The following TRPC4 variants were observed in gnomAD, a reference collection of about 807,000 sequenced individuals.
TRPC4 encodes the protein short transient receptor potential channel 4.
TRPC4 carries 49 observed loss-of-function variants against 99.4 expected under a neutral mutation model. The ratio of observed to expected loss-of-function variants is 0.49; its 90% confidence interval spans 0.39 to 0.63. The LOEUF (loss-of-function observed/expected upper bound fraction) is 0.63, where lower values mean the gene tolerates loss of function less well. Among genes scored for constraint, TRPC4 ranks in the 20% least tolerant of loss-of-function variants. The pLI is 0.00. For synonymous variants in TRPC4, 454 were observed against 425.9 expected, an observed-to-expected ratio of 1.07 and a Z score of -0.81; for missense variants, 898 against 1,152.9, an observed-to-expected ratio of 0.78 and a Z score of 3.20.
chr13:37,741,239 CA>C (rs1444758827), intron 3 of TRPC4, among the ~76,000 whole-genome samples: 2 of 152,074 alleles, frequency 1.3e-5, no homozygotes, highest in African/African-American at 4.8e-5. Flanking sequence ...ATTAAGCTTC[CA>C]ATTCACATTT....
At chr13:37,735,385 T>C (rs528680500) in intron 3 of TRPC4, among the ~76,000 whole-genome samples, 1 of 152,308 alleles carries the variant, frequency 6.6e-6, no homozygotes, top group African/African-American at 2.4e-5. Context: ...GAATAAGCTG[T>C]TAAGGCCGCA....
At chr13:37,832,050 A>C (rs1320629872) in intron 1 of TRPC4, among the ~76,000 whole-genome samples, 2 of 152,238 alleles carry the variant, frequency 1.3e-5, no homozygotes, top group Non-Finnish European at 2.9e-5. Flanking sequence ...GGTCTTACCA[A>C]AAAGAAATGA....
chr13:37,635,339 G>A lies in TRPC4; in HGVS notation c.*1564C>T, dbSNP rs1340484743. On this transcript the variant is annotated 3_prime_UTR_variant, in exon 11 of 11. Coordinates refer to ENST00000379705, the MANE Select transcript of TRPC4 (RefSeq NM_016179.4). ...GTATTACCTTAGCCAGTTAGTGCTG[G>A]TCTCAGTTTCATCATATGTGAAATG... is the stretch of plus-strand genomic sequence containing the variant. Among the ~76,000 whole-genome samples the A allele has an allele frequency of 1.3e-5, 2 of 152,128 alleles. No homozygotes were observed. Among genetic ancestry groups the A allele is most frequent in the Non-Finnish European group, 2.9e-5 (2 of 68,006 alleles).
At chr13:37,672,971 G>A (rs1366569197) in intron 5 of TRPC4, among the ~76,000 whole-genome samples, 1 of 151,944 alleles carries the variant, frequency 6.6e-6, no homozygotes, top group African/African-American at 2.4e-5. Context: ...TATACTTTAA[G>A]TTCTAGGGTA....
Position 37,637,483 on chromosome 13 carries a change from C to T in TRPC4, c.2354G>A (p.Gly785Asp). 1 of 1,613,768 alleles carries T rather than the reference C, an allele frequency of 6.2e-7. No homozygotes were observed. Among genetic ancestry groups the T allele is most frequent in the Non-Finnish European group, 8.5e-7 (1 of 1,179,774 alleles). Residue 785 changes from glycine to aspartate, a missense_variant, in exon 11 of 11, where the codon GGT (glycine) becomes GAT (aspartate). Physicochemically the swap from Gly to Asp is moderately conservative, Grantham distance 94 (BLOSUM62 -1). Transcript: ENST00000379705. ...ATTCTTTTTCTTGTCCTTGCTATTA[C>T]CTTCGCTATCACTCTTTTCATCTGA... ...ADSDEKSDSE[G>D]NSKDKKKNFS...
chr13:37,701,180 T>C (rs1421314151), intron 3 of TRPC4, among the ~76,000 whole-genome samples: 4 of 152,180 alleles, frequency 2.6e-5, no homozygotes, highest in Non-Finnish European at 5.9e-5. Flanking sequence ...TATAGTTCCC[T>C]ATAATTCTGT....
intron 1 of TRPC4, among the ~76,000 whole-genome samples, chr13:37,849,407 A>C (rs1325532930): frequency 3.3e-5 from 5 of 152,182 alleles, no homozygotes; most frequent in African/African-American, 1.2e-4. Context: ...ACCATGCAAT[A>C]AACTCCTTCC....
In TRPC4 at chr13:37,837,276, G is replaced by A. The variant is rs114658641; in HGVS notation, c.-28+32319C>T. ...GTCCCTACCAGGGCACCACCTAGTG[G>A]ATCTGTGAGAAGAGGGCCACCTTCC... On this transcript the variant is annotated intron_variant, in intron 1 of 10. Coordinates refer to ENST00000379705, the MANE Select transcript of TRPC4 (RefSeq NM_016179.4). Among the ~76,000 whole-genome samples, 1,446 of 152,340 alleles carry A rather than the reference G, an allele frequency of 9.5e-3. 18 individuals carry two copies. Among genetic ancestry groups the A allele is most frequent in the African/African-American group, 0.033 (1,370 of 41,578 alleles).
At chr13:37,759,326 C>T (rs1048349173) in intron 2 of TRPC4, among the ~76,000 whole-genome samples, 1 of 150,700 alleles carries the variant, frequency 6.6e-6, no homozygotes, top group Non-Finnish European at 1.5e-5. Flanking sequence ...TTTTGTCTGC[C>T]CTGAGATTGT....
At chr13:37,655,973 A>G (rs1952219269) in intron 6 of TRPC4, among the ~76,000 whole-genome samples, 2 of 152,274 alleles carry the variant, frequency 1.3e-5, no homozygotes, top group Non-Finnish European at 1.5e-5. Context: ...ACAGATTTCT[A>G]TGTTTACAAC....
At position 37,731,478 on chromosome 13, in the gene TRPC4, A is replaced by G. The variant is rs574908558; in HGVS notation, c.897+14459T>C. 5.9e-5 allele frequency among the ~76,000 whole-genome samples: 9 copies of G among 152,210 alleles called. No individual in the cohort carries two copies. The South Asian group carries it at 1.0e-3, about 18-fold the overall frequency. ...ATAGTCAATGAAGAAATGATAAAACATAAGTAAAACCAAAATGATAAAAGA... is the reference window on the plus strand; with the variant it reads ...ATAGTCAATGAAGAAATGATAAAACGTAAGTAAAACCAAAATGATAAAAGA... On this transcript the variant is annotated intron_variant, in intron 3 of 10. Transcript: ENST00000379705.
chr13:37,857,053 A>T (rs761460175), intron 1 of TRPC4, among the ~76,000 whole-genome samples: 1 of 151,554 alleles, frequency 6.6e-6, no homozygotes, highest in Non-Finnish European at 1.5e-5. Flanking sequence ...TAAAACTATT[A>T]GAATTGATAA....
At chr13:37,752,206 G>A (rs1955953942) in intron 2 of TRPC4, among the ~76,000 whole-genome samples, 1 of 150,666 alleles carries the variant, frequency 6.6e-6, no homozygotes, top group African/African-American at 2.4e-5. Context: ...CAAGAATACG[G>A]TACTGTGCAA....
Position 37,746,011 on chromosome 13 carries a change from T to A in TRPC4, c.823A>T (p.Asn275Tyr). The change falls in exon 3 of 11, where the codon AAT (asparagine) becomes TAT (tyrosine). Residue 275 changes from asparagine to tyrosine, a missense_variant. Coordinates refer to ENST00000379705, the MANE Select transcript of TRPC4 (RefSeq NM_016179.4). ...LEIILNYRDD[N>Y]SLIEEQSGND... ...CCACTTTGTTCTTCTATGAGACTAT[T>A]GTCATCTCGGTAATTAAGAATGATT... 6.2e-7 allele frequency: 1 copy of A among 1,613,900 alleles called. No homozygotes were observed. Among genetic ancestry groups the A allele is most frequent in the Non-Finnish European group, 8.5e-7 (1 of 1,179,846 alleles).
intron 1 of TRPC4, among the ~76,000 whole-genome samples, chr13:37,860,754 C>CGGCAG (rs1387137555): frequency 6.6e-6 from 1 of 151,408 alleles, no homozygotes; most frequent in Non-Finnish European, 1.5e-5. Flanking sequence ...AATTCATATA[C>CGGCAG]GGCAGCTCCT....
At chr13:37,649,731 C>CAAAAAAAAAAAAAAA (rs775364702) in intron 8 of TRPC4, among the ~76,000 whole-genome samples, 13 of 62,710 alleles carry the variant, frequency 2.1e-4, no homozygotes, top group Middle Eastern at 0.014. Flanking sequence ...GACTCCGTCT[C>CAAAAAAAAAAAAAAA]AAAAAAAAAA....
chr13:37,863,300 T>C (rs1959511968), intron 1 of TRPC4, among the ~76,000 whole-genome samples: 1 of 151,648 alleles, frequency 6.6e-6, no homozygotes, highest in African/African-American at 2.4e-5. Context: ...ATAGGGACAC[T>C]GACATATTCA....
At chr13:37,690,946 A>G (rs191726728) in intron 4 of TRPC4, among the ~76,000 whole-genome samples, 1 of 152,292 alleles carries the variant, frequency 6.6e-6, no homozygotes, top group Admixed American at 6.5e-5. Flanking sequence ...GATAGATATT[A>G]TAGCAGAGAG....
At chr13:37,721,271 C>T (rs1206442750) in intron 3 of TRPC4, among the ~76,000 whole-genome samples, 1 of 152,008 alleles carries the variant, frequency 6.6e-6, no homozygotes, top group East Asian at 1.9e-4. Context: ...TAGTAGTAAG[C>T]TCAATTTATT....
Sources: gnomAD v4.1 joint callset for allele counts (sites outside exome capture counted in the v4.1 genomes callset) on GRCh38, gnomAD v4.1.1 for gene constraint, MANE v1.5 for transcripts, NCBI Gene and HGNC (gene_info 2026-07-23, HGNC 2026-07-21) for gene names.